Variants in PLD3 observed in about 807,000 individuals in gnomAD.
PLD3 encodes 5'-3' exonuclease PLD3.
PLD3 carries 31 observed loss-of-function variants against 58.4 expected under a neutral mutation model. That is an observed-to-expected ratio of 0.53 (90% CI 0.40 to 0.72). The LOEUF is 0.72. Ranked by LOEUF, PLD3 falls within the 30% of genes least tolerant of loss-of-function variation. The pLI is 0.00. For synonymous variants in PLD3, 264 were observed against 273.4 expected (o/e 0.97, Z 0.34); for missense variants, 595 against 659.8 (o/e 0.90, Z 1.08).
chr19:40,365,276 T>G (rs914929986), intron 1 of PLD3, among the ~76,000 whole-genome samples: 1 of 152,202 alleles, frequency 6.6e-6, no homozygotes, highest in Non-Finnish European at 1.5e-5. Context: ...TAAATCCCTC[T>G]TGGGAGATAT....
chr19:40,377,085 G>C (rs2079228544), intron 11 of PLD3, among the ~76,000 whole-genome samples: 1 of 144,690 alleles, frequency 6.9e-6, no homozygotes, highest in African/African-American at 2.5e-5. Context: ...TCAGGGCTGG[G>C]ATGGGGAGGC....
chr19:40,377,314 CA>C (rs2079246898), intron 11 of PLD3, among the ~76,000 whole-genome samples: 1 of 112,924 alleles, frequency 8.9e-6, no homozygotes. Flanking sequence ...GCAGAGGGGT[CA>C]GGGCTGGGAT....
At chr19:40,354,154 A>G (rs1210494502) in intron 1 of PLD3, among the ~76,000 whole-genome samples, 2 of 144,152 alleles carry the variant, frequency 1.4e-5, no homozygotes, top group South Asian at 2.1e-4. Flanking sequence ...GCTCACTGCA[A>G]CTTCCACCTT....
In PLD3 at chr19:40,378,213, C is replaced by T. The variant is rs1436368721; in HGVS notation, c.*40C>T. The T allele has an allele frequency of 6.3e-6, 10 of 1,579,496 alleles. No individual in the cohort carries two copies. Among genetic ancestry groups the T allele is most frequent in the Admixed American group, 3.5e-5 (2 of 57,784 alleles). ...GGCAGGCCAAGGCCTGCTGGGCCCC[C>T]GCGGACCCAGGTGCTCTGGGTCACG... On this transcript the variant is annotated 3_prime_UTR_variant, in exon 13 of 13. Coordinates refer to ENST00000409735, the MANE Select transcript of PLD3 (RefSeq NM_012268.4).
chr19:40,360,578 CT>C (rs1293725035), intron 1 of PLD3: 2 of 106,478 alleles, frequency 1.9e-5, no homozygotes, highest in Admixed American at 1.0e-4. Context: ...GAGACTCCGT[CT>C]TAAAAAAAAA....
intron 9 of PLD3, among the ~76,000 whole-genome samples, chr19:40,372,367 C>T (rs1380506907): frequency 6.6e-6 from 1 of 151,852 alleles, no homozygotes; most frequent in Non-Finnish European, 1.5e-5. Context: ...TTGGGTTGTG[C>T]ATGCATGTAG....
chr19:40,378,069 C>A lies in PLD3; in HGVS notation c.1369C>A (p.Arg457=), dbSNP rs577323456. The change falls in exon 13 of 13, where the codon CGG becomes AGG. Residue 457 remains arginine (R), a synonymous_variant. Coordinates refer to ENST00000409735, the MANE Select transcript of PLD3 (RefSeq NM_012268.4). ...GACGCAGAATGGGAGGGGCGGCCTG[C>A]GGAGCCAGCTGGAGGCCATTTTCCT... ...LVTQNGRGGL[R]SQLEAIFLRD... 6.2e-7 allele frequency: 1 copy of A among 1,613,826 alleles called. No individual in the cohort carries two copies. Among genetic ancestry groups the A allele is most frequent in the Non-Finnish European group, 8.5e-7 (1 of 1,179,934 alleles).
At chr19:40,375,669 GAAAA>G (rs1290128513) in intron 10 of PLD3, among the ~76,000 whole-genome samples, 2 of 135,404 alleles carry the variant, frequency 1.5e-5, no homozygotes, top group African/African-American at 2.7e-5. Flanking sequence ...AAAAAGAAAA[GAAAA>G]AAAAAAAGAA....
At chr19:40,376,514 C>A in intron 10 of PLD3, 95 bp from the exon 11 acceptor site, 1 of 1,238,988 alleles carries the variant, frequency 8.1e-7, no homozygotes, top group Non-Finnish European at 1.1e-6. Context: ...ATAGCTAAAG[C>A]AGGGCCCAGG....
At chr19:40,354,407 C>A (rs184144670) in intron 1 of PLD3, among the ~76,000 whole-genome samples, 188 of 151,932 alleles carry the variant, frequency 1.2e-3, no homozygotes, top group African/African-American at 4.5e-3. Flanking sequence ...CAAGATCTCA[C>A]TTTGTTGCCC....
At chr19:40,370,323 C>T in intron 8 of PLD3, 86 bp downstream of exon 8, 1 of 1,419,206 alleles carries the variant, frequency 7.0e-7, no homozygotes. Context: ...CTCACTCAAT[C>T]CAGAGTCCTC....
At chr19:40,372,321 TACAAACAAACAA>T (rs59326126) in intron 9 of PLD3, among the ~76,000 whole-genome samples, 4 of 151,512 alleles carry the variant, frequency 2.6e-5, no homozygotes, top group South Asian at 2.1e-4. Context: ...ACTCCATCTT[TACAAACAAACAA>T]ACAAACAAAC....
chr19:40,364,510 G>A (rs1008866595), intron 1 of PLD3, among the ~76,000 whole-genome samples: 2 of 151,616 alleles, frequency 1.3e-5, no homozygotes, highest in Admixed American at 6.6e-5. Context: ...AATTAGCTGC[G>A]GCTGGGCGCG....
chr19:40,353,423 C>G (rs182818428), intron 1 of PLD3, among the ~76,000 whole-genome samples: 1 of 152,000 alleles, frequency 6.6e-6, no homozygotes, highest in Non-Finnish European at 1.5e-5. Context: ...GAGTGAGACA[C>G]CATCTCAAAA....
chr19:40,367,582 TAA>T (rs762087566), intron 5 of PLD3, 112 bp from the exon 6 acceptor site: 2,363 of 754,442 alleles, frequency 3.1e-3, no homozygotes, highest in South Asian at 5.6e-3. Context: ...ACTCTGTCTC[TAA>T]AAAAAAAAAA....
intron 10 of PLD3, among the ~76,000 whole-genome samples, chr19:40,375,648 T>C (rs1416949962): frequency 1.1e-5 from 1 of 89,566 alleles, no homozygotes; most frequent in Non-Finnish European, 2.3e-5. Context: ...AGACACCTTC[T>C]CAAAAAAAAA....
intron 9 of PLD3, among the ~76,000 whole-genome samples, chr19:40,372,313 T>C (rs1165739205): frequency 7.0e-6 from 1 of 143,876 alleles, no homozygotes; most frequent in East Asian, 2.1e-4. Context: ...ATAGCAAGAC[T>C]CCATCTTTAC....
chr19:40,360,580 TAAAAAAAA>T (rs67582213), intron 1 of PLD3: 1 of 115,184 alleles, frequency 8.7e-6, no homozygotes, highest in Non-Finnish European at 1.8e-5. Context: ...GACTCCGTCT[TAAAAAAAA>T]AAAAAAAAAA....
chr19:40,359,679 A>C (rs529184057), intron 1 of PLD3: 1 of 152,226 alleles, frequency 6.6e-6, no homozygotes, highest in Admixed American at 6.5e-5. Context: ...TTATATGTGC[A>C]TTTAAAAAAA....
Sources: allele counts gnomAD v4.1 joint callset (sites outside exome capture counted in the v4.1 genomes callset), GRCh38; gene constraint gnomAD v4.1.1; transcripts MANE v1.5; gene names NCBI Gene and HGNC (gene_info 2026-07-23, HGNC 2026-07-21).